LOXHD1: variants seen among roughly 807,000 people sequenced by gnomAD.
LOXHD1 encodes the protein lipoxygenase homology PLAT domains 1, also known as lipoxygenase homology domain-containing protein 1.
In LOXHD1, 205 loss-of-function variants were observed where a neutral mutation model predicts 248.2. That is an observed-to-expected ratio of 0.83 (90% CI 0.74 to 0.93). The LOEUF (loss-of-function observed/expected upper bound fraction) is 0.93, where lower values mean the gene tolerates loss of function less well. Ranked by LOEUF, LOXHD1 falls within the 40% of genes least tolerant of loss-of-function variation. The probability of loss-of-function intolerance (pLI) is 0.00; values close to 1 mark genes in which losing one functional copy is unlikely to be tolerated. For synonymous variants in LOXHD1, 1,113 were observed against 1,162.8 expected (o/e 0.96, Z 0.87); for missense variants, 2,930 against 2,971.6 (o/e 0.99, Z 0.33).
rs138060208 is a variant in LOXHD1 at position 46,522,324 on chromosome 18, G to A, written c.4877-15C>T. ...GTAGGGAATAACTGCAAGAGATCAC[G>A]GGGCTCAGGTTCATAACAGACCAGA... On this transcript the variant is annotated splice_polypyrimidine_tract_variant and intron_variant, in intron 31 of 40. Coordinates refer to ENST00000642948, the MANE Select transcript of LOXHD1 (RefSeq NM_001384474.1). 7.4e-5 allele frequency: 115 copies of A among 1,549,642 alleles called. 1 individual carries two copies. In the African/African-American group the frequency reaches 8.6e-4, roughly 12 times the overall value.
intron 1 of LOXHD1, among the ~76,000 whole-genome samples, chr18:46,650,186 C>T (rs1300996904): frequency 6.6e-6 from 1 of 152,106 alleles, no homozygotes; most frequent in Non-Finnish European, 1.5e-5. Flanking sequence ...ATTCCTTGTC[C>T]CCAGCTCATT....
intron 28 of LOXHD1, among the ~76,000 whole-genome samples, chr18:46,531,878 CTA>C (rs898584671): frequency 2.6e-5 from 4 of 152,168 alleles, no homozygotes; most frequent in African/African-American, 9.7e-5. Context: ...ATAGCAAAGA[CTA>C]TGTGGAGAAA....
At chr18:46,546,823 T>G in intron 22 of LOXHD1, 72 bp downstream of exon 22, 3 of 1,473,290 alleles carry the variant, frequency 2.0e-6, no homozygotes, top group Non-Finnish European at 2.7e-6. Context: ...GGAAGGAAGA[T>G]GGAGACTTAG....
At chr18:46,562,955 G>A (rs992233914) in intron 18 of LOXHD1, 110 bp downstream of exon 18, 1 of 1,296,960 alleles carries the variant, frequency 7.7e-7, no homozygotes, top group Non-Finnish European at 1.0e-6. Context: ...ACTGGAGGGA[G>A]GCAGCCCATT....
intron 21 of LOXHD1, among the ~76,000 whole-genome samples, chr18:46,551,393 A>G (rs1225283409): frequency 6.6e-6 from 1 of 151,870 alleles, no homozygotes; most frequent in Non-Finnish European, 1.5e-5. Flanking sequence ...ATGAGCCACC[A>G]CACCCGGCCA....
chr18:46,577,075 G>C (rs536981673), intron 14 of LOXHD1, among the ~76,000 whole-genome samples: 1 of 152,282 alleles, frequency 6.6e-6, no homozygotes, highest in South Asian at 2.1e-4. Flanking sequence ...GTCAGTCCAA[G>C]GCCCCAAGTC....
Position 46,550,390 on chromosome 18 carries a change from G to A in LOXHD1, c.3351-3332C>T, listed in dbSNP as rs1300865284. ...AGATCGAGACCATCCTGGCTAACAA[G>A]GTGAAACCCCGTCTCTACTAAAAAT... On this transcript the variant is annotated intron_variant, in intron 21 of 40. Coordinates refer to ENST00000642948, the MANE Select transcript of LOXHD1 (RefSeq NM_001384474.1). 1.5e-4 allele frequency among the ~76,000 whole-genome samples: 23 copies of A among 151,654 alleles called. No individual in the cohort carries two copies. The East Asian group carries it at 4.3e-3, about 28-fold the overall frequency.
chr18:46,569,939 A>G (rs775623762), intron 15 of LOXHD1, among the ~76,000 whole-genome samples: 12 of 152,266 alleles, frequency 7.9e-5, no homozygotes, highest in Non-Finnish European at 1.8e-4. Flanking sequence ...ACATCAAAAC[A>G]TAAGAGCCTG....
intron 4 of LOXHD1, among the ~76,000 whole-genome samples, chr18:46,638,899 C>A (rs568583030): frequency 6.6e-6 from 1 of 152,158 alleles, no homozygotes. Context: ...CATCTCCTGG[C>A]TCCAAAGTCC....
intron 4 of LOXHD1, among the ~76,000 whole-genome samples, chr18:46,623,627 C>T (rs2038698160): frequency 6.6e-6 from 1 of 152,226 alleles, no homozygotes; most frequent in African/African-American, 2.4e-5. Context: ...GGCAGGGGCA[C>T]AAGGCTGCTC....
At chr18:46,553,136 T>G (rs1187595050) in intron 21 of LOXHD1, among the ~76,000 whole-genome samples, 3 of 152,182 alleles carry the variant, frequency 2.0e-5, no homozygotes, top group African/African-American at 7.2e-5. Flanking sequence ...GTTAGCTCCT[T>G]AAGAATAATC....
chr18:46,546,363 C>T lies in LOXHD1; in HGVS notation c.3514+532G>A, dbSNP rs558265154. On this transcript the variant is annotated intron_variant, in intron 22 of 40. Transcript: ENST00000642948. ...CATTTCATTCCAATACATTCCATTC[C>T]AACCCATCCCATTCCATTCCATTCC... Among the ~76,000 whole-genome samples the T allele has an allele frequency of 3.2e-3, 490 of 151,264 alleles. 2 individuals carry two copies. Among genetic ancestry groups the T allele is most frequent in the African/African-American group, 0.011 (472 of 41,190 alleles).
intron 13 of LOXHD1, among the ~76,000 whole-genome samples, chr18:46,578,472 G>A (rs977358160): frequency 5.3e-5 from 8 of 152,176 alleles, no homozygotes; most frequent in African/African-American, 1.9e-4. Context: ...AATTTAAAAA[G>A]CTATGTGAAG....
intron 13 of LOXHD1, among the ~76,000 whole-genome samples, chr18:46,578,070 A>T (rs190061384): frequency 3.3e-5 from 5 of 152,320 alleles, no homozygotes; most frequent in African/African-American, 1.2e-4. Flanking sequence ...TCCAATGTCA[A>T]GTTTCCAGCT....
intron 27 of LOXHD1, 137 bp from the exon 28 acceptor site, chr18:46,533,461 G>A: frequency 1.2e-6 from 1 of 819,188 alleles, no homozygotes. Context: ...CCACAGGAGA[G>A]CCCCTTGCCC....
intron 26 of LOXHD1, among the ~76,000 whole-genome samples, chr18:46,536,234 C>G (rs1031063901): frequency 2.0e-5 from 3 of 152,108 alleles, no homozygotes; most frequent in Non-Finnish European, 4.4e-5. Context: ...TAACTCTTAG[C>G]TATTATTGTT....
At position 46,549,322 on chromosome 18, in the gene LOXHD1, G is replaced by A. The variant is rs535678737; in HGVS notation, c.3351-2264C>T. On this transcript the variant is annotated intron_variant, in intron 21 of 40. Coordinates refer to ENST00000642948, the MANE Select transcript of LOXHD1 (RefSeq NM_001384474.1). The stretch of plus-strand genomic sequence containing the variant: ...AACCAAAAGCTCGAAACTGTTAAAA[G>A]TATAAACTCCACTTGAAAGTAAAAA... Among the ~76,000 whole-genome samples the A allele has an allele frequency of 5.3e-5, 8 of 150,324 alleles. No individual in the cohort carries two copies. The South Asian group carries it at 1.7e-3, about 32-fold the overall frequency.
intron 32 of LOXHD1, 78 bp from the exon 33 acceptor site, chr18:46,521,360 C>G (rs1262994137): frequency 6.7e-7 from 1 of 1,482,044 alleles, no homozygotes; most frequent in Non-Finnish European, 9.2e-7. Flanking sequence ...CCCCCTCCCT[C>G]AGTGCTTCTT....
intron 6 of LOXHD1, among the ~76,000 whole-genome samples, chr18:46,610,099 G>T (rs1016315822): frequency 6.6e-6 from 1 of 152,148 alleles, no homozygotes; most frequent in African/African-American, 2.4e-5. Context: ...AAGCAAGCAG[G>T]GTTCTAAAGT....
Sources: allele counts gnomAD v4.1 joint callset (sites outside exome capture counted in the v4.1 genomes callset), GRCh38; gene constraint gnomAD v4.1.1; transcripts MANE v1.5; gene names NCBI Gene and HGNC (gene_info 2026-07-23, HGNC 2026-07-21).